Variants in RTEL1 observed in about 807,000 individuals in gnomAD.
RTEL1 encodes the protein regulator of telomere length.
A neutral mutation model predicts 162.2 loss-of-function variants in RTEL1; 86 were observed. The observed-to-expected ratio is 0.53, with a 90% CI of 0.45 to 0.63. The LOEUF (loss-of-function observed/expected upper bound fraction) is 0.63, where lower values mean the gene tolerates loss of function less well. RTEL1 is among the 30% of genes least tolerant of loss of function. The pLI is 0.00. For missense variants in RTEL1, 1,941 were observed against 1,750.2 expected, an observed-to-expected ratio of 1.11 and a Z score of -1.95; for synonymous variants, 958 against 717.9, an observed-to-expected ratio of 1.33 and a Z score of -5.35.
chr20:63,663,673 G>A (rs972513333), intron 6 of RTEL1, among the ~76,000 whole-genome samples: 6 of 152,216 alleles, frequency 3.9e-5, no homozygotes, highest in East Asian at 1.9e-4. Flanking sequence ...CAGTCGGCGC[G>A]GTCTGTGCTT....
At position 63,661,430 on chromosome 20, in the gene RTEL1, G is replaced by C. The variant is rs1379381688; in HGVS notation, c.235G>C (p.Glu79Gln). The change falls in exon 3 of 35, where the codon GAG becomes CAG. Residue 79 changes from glutamate (E) to glutamine (Q), a missense_variant. Coordinates refer to ENST00000360203, the MANE Select transcript of RTEL1 (RefSeq NM_001283009.2). The surrounding 1 kb of genome is among the most constrained non-coding windows in gnomAD (Gnocchi z 5.1). ...CAAGATTGCCGAGAGGGCGCAAGGA[G>C]AGCTTTTCCCGGATCGGGCCTTGTC... is the stretch of plus-strand genomic sequence containing the variant. ...ARKIAERAQGELFPDRALSSW... is the reference protein window; with the variant it reads ...ARKIAERAQGQLFPDRALSSW... 2 of 1,613,750 alleles carry C rather than the reference G, an allele frequency of 1.2e-6. No homozygotes were observed. Among genetic ancestry groups the C allele is most frequent in the Admixed American group, 1.7e-5 (1 of 60,010 alleles).
chr20:63,691,694 A>C, intron 27 of RTEL1, 48 bp from the exon 28 acceptor site: 10 of 1,493,180 alleles, frequency 6.7e-6, no homozygotes, highest in Non-Finnish European at 9.3e-6. Context: ...GGGACCCCAG[A>C]GTGTGTGGTT....
Position 63,674,080 on chromosome 20 carries a change from C to G in RTEL1, c.906C>G (p.Asp302Glu), listed in dbSNP as rs762093595. 1.2e-6 allele frequency: 2 copies of G among 1,611,148 alleles called. No homozygotes were observed. The highest frequency in any genetic ancestry group is 2.2e-5 in the South Asian group (2 of 90,850). ...QGEPHPEFSA[D>E]SPSPGLNMEL... is the part of the protein sequence containing the mutation. ...AGCCCCACCCGGAGTTCAGCGCGGA[C>G]TCCCCCAGCCCAGGTGCGTTCATAG... The change falls in exon 10 of 35, where the codon GAC becomes GAG. Residue 302 changes from aspartate to glutamate, a missense_variant. Coordinates refer to ENST00000360203, the MANE Select transcript of RTEL1 (RefSeq NM_001283009.2).
intron 27 of RTEL1, among the ~76,000 whole-genome samples, chr20:63,691,467 C>G (rs1431989658): frequency 6.6e-6 from 1 of 152,132 alleles, no homozygotes; most frequent in East Asian, 1.9e-4. Context: ...CACCAGGCAC[C>G]TGTGTCCCCT....
At chr20:63,662,389 C>T in intron 4 of RTEL1, 157 bp from the exon 5 acceptor site, 1 of 1,485,162 alleles carries the variant, frequency 6.7e-7, no homozygotes, top group Non-Finnish European at 9.2e-7. Flanking sequence ...CCCCGCTCGT[C>T]TTCTAGCTCC....
chr20:63,662,602 A>C lies in RTEL1; in HGVS notation c.452A>C (p.Lys151Thr). The change falls in exon 5 of 35, where the codon AAG becomes ACG. Residue 151 changes from lysine to threonine, a missense_variant. Transcript: ENST00000360203. ...REQLCIHPEVKKQESNHLQIH... is the reference protein window; with the variant it reads ...REQLCIHPEVTKQESNHLQIH... ...CAGCTGTGCATCCATCCTGAGGTGA[A>C]GAAACAAGAGAGTAACCATCTACAG... The C allele has an allele frequency of 6.2e-7, 1 of 1,614,028 alleles. No homozygotes were observed. The highest frequency in any genetic ancestry group is 8.5e-7 in the Non-Finnish European group (1 of 1,180,024).
chr20:63,667,825 G>A (rs1333517415), intron 8 of RTEL1, among the ~76,000 whole-genome samples: 1 of 152,120 alleles, frequency 6.6e-6, no homozygotes, highest in Middle Eastern at 3.4e-3. Flanking sequence ...GCCAGTGCCC[G>A]CTCTTGATCC....
intron 27 of RTEL1, among the ~76,000 whole-genome samples, chr20:63,691,376 C>G (rs1470007302): frequency 1.3e-5 from 2 of 152,192 alleles, no homozygotes; most frequent in African/African-American, 2.4e-5. Context: ...GAAATTTTCT[C>G]CCTGCTTCCT....
At chr20:63,694,304 G>GCCCCCCC in intron 30 of RTEL1, 68 bp from the exon 31 acceptor site, 7 of 812,998 alleles carry the variant, frequency 8.6e-6, no homozygotes, top group Non-Finnish European at 1.3e-5. Context: ...AGCCAGCCCT[G>GCCCCCCC]CCCCCCCACC....
intron 8 of RTEL1, 100 bp from the exon 9 acceptor site, chr20:63,672,456 C>A: frequency 1.0e-6 from 1 of 978,248 alleles, no homozygotes; most frequent in Non-Finnish European, 1.6e-6. Context: ...TGTTGCTCAT[C>A]TGCGCTTGTG....
At chr20:63,688,409 G>A (rs1305689735) in intron 20 of RTEL1, 23 bp downstream of exon 20, 12 of 1,611,262 alleles carry the variant, frequency 7.4e-6, no homozygotes, top group Non-Finnish European at 1.0e-5. Flanking sequence ...TGTGTTCTGG[G>A]CGGGGTGGGT....
At position 63,658,925 on chromosome 20, in the gene RTEL1, G is replaced by A. The variant is rs371827394; in HGVS notation, c.-170-308G>A. On this transcript the variant is annotated intron_variant, in intron 1 of 34. Coordinates refer to ENST00000360203, the MANE Select transcript of RTEL1 (RefSeq NM_001283009.2). ...TTCAGACCCTCCGCTCTGACGTTGC[G>A]CCTGGTGAGGCCGGGAGGGGTGCCG... Among the ~76,000 whole-genome samples, 25 of 152,348 alleles carry A rather than the reference G, an allele frequency of 1.6e-4. No individual in the cohort carries two copies. The East Asian group carries it at 3.5e-3, about 21-fold the overall frequency.
Position 63,680,604 on chromosome 20 carries a change from G to T in RTEL1, c.1136-60G>T, listed in dbSNP as rs911777462. On this transcript the variant is annotated intron_variant, in intron 13 of 34. Coordinates refer to ENST00000360203, the MANE Select transcript of RTEL1 (RefSeq NM_001283009.2). ...AGCGGGCTCATGCTGGAAGGGCCGG[G>T]GCTGGGGTCGGGGCCTCCCCTGCCT... is the stretch of plus-strand genomic sequence containing the variant. The T allele has an allele frequency of 4.4e-6, 7 of 1,580,928 alleles. No individual in the cohort carries two copies. The African/African-American group carries it at 5.4e-5, about 12-fold the overall frequency.
In RTEL1 at chr20:63,662,645, C is replaced by T. The variant is rs376437788; in HGVS notation, c.477+18C>T. ...ATCTACAGGTAGGCTCCTGGGCTCCCGCTCCGGCTCAGTGTCCGACAGGCG... is the reference window on the plus strand; with the variant it reads ...ATCTACAGGTAGGCTCCTGGGCTCCTGCTCCGGCTCAGTGTCCGACAGGCG... On this transcript the variant is annotated intron_variant, in intron 5 of 34. Coordinates refer to ENST00000360203, the MANE Select transcript of RTEL1 (RefSeq NM_001283009.2). 58 of 1,613,322 alleles carry T rather than the reference C, an allele frequency of 3.6e-5. 1 individual carries two copies. The South Asian group carries it at 4.6e-4, about 13-fold the overall frequency.
chr20:63,696,018 G>C lies in RTEL1; in HGVS notation c.*160G>C. ...GCGGGGCCCATGGTTGGTCCCTGCG[G>C]TGGGACCGGATCTGGGCCTGCCTCT... On this transcript the variant is annotated 3_prime_UTR_variant, in exon 35 of 35. Coordinates refer to ENST00000360203, the MANE Select transcript of RTEL1 (RefSeq NM_001283009.2). 1.4e-6 allele frequency: 1 copy of C among 694,584 alleles called. No individual in the cohort carries two copies. Among genetic ancestry groups the C allele is most frequent in the Non-Finnish European group, 2.4e-6 (1 of 420,960 alleles). The allele number at this position is 694,584 out of a possible 1,614,324, so 43.0% of individuals were successfully genotyped here.
intron 26 of RTEL1, 74 bp downstream of exon 26, chr20:63,690,515 G>A (rs373531211): frequency 2.6e-5 from 36 of 1,410,024 alleles, no homozygotes; most frequent in South Asian, 4.3e-5. Flanking sequence ...AGCACCAGGC[G>A]CCCAGGGCGG....
Position 63,694,358 on chromosome 20 carries a change from C to A in RTEL1, c.2993-14C>A, listed in dbSNP as rs764487111. The A allele has an allele frequency of 2.7e-5, 43 of 1,567,416 alleles. No individual in the cohort carries two copies. Among genetic ancestry groups the A allele is most frequent in the Non-Finnish European group, 3.4e-5 (39 of 1,147,264 alleles). Reference sequence around the variant, plus strand: ...GCTCTCGACCAGCTTTGTGGCTCTACATCTCTTCATCAGGAAGAACGGCGC... The same window carrying A: ...GCTCTCGACCAGCTTTGTGGCTCTAAATCTCTTCATCAGGAAGAACGGCGC... On this transcript the variant is annotated splice_polypyrimidine_tract_variant and intron_variant, in intron 30 of 34. Coordinates refer to ENST00000360203, the MANE Select transcript of RTEL1 (RefSeq NM_001283009.2).
In RTEL1 at chr20:63,688,242, TG is replaced by T. The variant is rs2090640996; in HGVS notation, c.1637-57del. 11 of 1,609,498 alleles carry T rather than the reference TG, an allele frequency of 6.8e-6. No individual in the cohort carries two copies. In the South Asian group the frequency reaches 1.1e-4, roughly 16 times the overall value. On this transcript the variant is annotated intron_variant, in intron 19 of 34. Transcript: ENST00000360203. ...ATCCTGGACCCCTGCTCCCAAGAGC[TG>T]GTAGGGAACCCTGCAGACATCCTGC...
In RTEL1 at chr20:63,693,331, G is replaced by A. The variant is rs368807467; in HGVS notation, c.2992+48G>A. 2.0e-5 allele frequency: 32 copies of A among 1,605,632 alleles called. No homozygotes were observed. In the East Asian group the frequency reaches 5.4e-4, roughly 27 times the overall value. ...CCCTCAGACTCCTGCGTGGAAGGCA[G>A]TGTGGGCCAGAGTCCTGGGCTGCTT... On this transcript the variant is annotated intron_variant, in intron 30 of 34. Transcript: ENST00000360203.
Sources: gnomAD v4.1 joint callset for allele counts (sites outside exome capture counted in the v4.1 genomes callset) on GRCh38, gnomAD v4.1.1 for gene constraint, Gnocchi (gnomAD v3.1) non-coding constraint, MANE v1.5 for transcripts, NCBI Gene and HGNC (gene_info 2026-07-23, HGNC 2026-07-21) for gene names.